The following PCDH11X variants were observed in gnomAD, a reference collection of about 807,000 sequenced individuals.
PCDH11X encodes protocadherin 11 X-linked.
PCDH11X carries 18 observed loss-of-function variants against 53.3 expected under a neutral mutation model. That is an observed-to-expected ratio of 0.34 (90% CI 0.23 to 0.50). The LOEUF (loss-of-function observed/expected upper bound fraction) is 0.50. Ranked by LOEUF, PCDH11X falls within the 20% of genes least tolerant of loss-of-function variation. The pLI is 0.98. For missense variants in PCDH11X, 570 were observed against 1,032.4 expected (o/e 0.55, Z 6.14); for synonymous variants, 279 against 393.3 (o/e 0.71, Z 3.44).
At chrX:92,191,205 A>G (rs1229273412) in intron 6 of PCDH11X, among the ~76,000 whole-genome samples, 1 of 112,282 alleles carries the variant, frequency 8.9e-6, no homozygotes, top group Non-Finnish European at 1.9e-5. Context: ...ATAATTGCTC[A>G]AGGTTAAAGT....
At chrX:92,388,170 T>A (rs1297546639) in intron 9 of PCDH11X, among the ~76,000 whole-genome samples, 1 of 111,745 alleles carries the variant, frequency 8.9e-6, no homozygotes, top group Non-Finnish European at 1.9e-5. Context: ...TGTTAAGGCA[T>A]AGATAGAATT....
At chrX:92,603,841 T>TA (rs1423780708) in intron 10 of PCDH11X, among the ~76,000 whole-genome samples, 2 of 104,031 alleles carry the variant, frequency 1.9e-5, no homozygotes, top group Non-Finnish European at 3.9e-5. Context: ...ATATTGGCAG[T>TA]AAAAGCAATT....
chrX:92,175,318 G>A (rs2065888169), intron 6 of PCDH11X, among the ~76,000 whole-genome samples: 1 of 111,422 alleles, frequency 9.0e-6, no homozygotes, highest in Non-Finnish European at 1.9e-5. Flanking sequence ...ATCATTCAGG[G>A]AAAAGAAAGG....
chrX:92,408,639 C>T (rs1185443599), intron 9 of PCDH11X, among the ~76,000 whole-genome samples: 1 of 110,762 alleles, frequency 9.0e-6, no homozygotes, highest in East Asian at 2.8e-4. Context: ...AGTGCAGTGG[C>T]GCGATCGATC....
rs747603364 is a variant in PCDH11X at position 92,534,411 on chromosome X, G to T, written c.3367+66089G>T. 4.5e-5 allele frequency among the ~76,000 whole-genome samples: 5 copies of T among 111,626 alleles called. No homozygotes were observed. The South Asian group carries it at 1.9e-3, about 43-fold the overall frequency. ...CAAGACATATGGGACTATGTGAAAA[G>T]ACCAAATCTACGTTTGATTGGTATA... On this transcript the variant is annotated intron_variant, in intron 10 of 10. Transcript: ENST00000682573.
chrX:92,033,384 T>C (rs1300569750), intron 6 of PCDH11X, among the ~76,000 whole-genome samples: 1 of 106,949 alleles, frequency 9.4e-6, no homozygotes, highest in Non-Finnish European at 1.9e-5. Flanking sequence ...TTTTTTTTTT[T>C]TTCTAGAAAC....
intron 6 of PCDH11X, among the ~76,000 whole-genome samples, chrX:92,086,792 G>A (rs1032254169): frequency 9.9e-5 from 11 of 110,618 alleles, no homozygotes; most frequent in African/African-American, 3.3e-4. Flanking sequence ...GAGGGGAGAC[G>A]AAAAGGCACA....
chrX:92,088,379 G>A (rs2063994634), intron 6 of PCDH11X, among the ~76,000 whole-genome samples: 1 of 110,510 alleles, frequency 9.0e-6, no homozygotes, highest in Admixed American at 9.7e-5. Context: ...TTTCCTTTAA[G>A]GAATTCTCTT....
chrX:92,271,782 T>C (rs909684873), intron 8 of PCDH11X, among the ~76,000 whole-genome samples: 1 of 112,400 alleles, frequency 8.9e-6, no homozygotes, highest in Admixed American at 9.5e-5. Context: ...TTCCATAATA[T>C]TTTTATATCC....
intron 6 of PCDH11X, among the ~76,000 whole-genome samples, chrX:92,142,275 G>C (rs1379048581): frequency 2.8e-5 from 3 of 109,046 alleles, no homozygotes; most frequent in Admixed American, 9.9e-5. Context: ...TCCTGCCTCA[G>C]CCTCCCTAGT....
chrX:92,323,889 T>C (rs1449769027), intron 8 of PCDH11X, among the ~76,000 whole-genome samples: 1 of 110,998 alleles, frequency 9.0e-6, no homozygotes, highest in African/African-American at 3.3e-5. Context: ...CAATTTTTTT[T>C]CCAGGCTTTA....
chrX:92,618,256 C>T lies in PCDH11X; in HGVS notation c.3368-8C>T, dbSNP rs200485075. 3,172 of 1,192,827 alleles carry T rather than the reference C, an allele frequency of 2.7e-3. 7 individuals are homozygous for T. The highest frequency in any genetic ancestry group is 3.3e-3 in the Non-Finnish European group (2,961 of 886,286). ...TAAATTTTATTATTTTTTTCCTCAC[C>T]CCAACAGCTGCAGAAATAACTGTTC... is the stretch of plus-strand genomic sequence containing the variant. On this transcript the variant is annotated splice_region_variant and splice_polypyrimidine_tract_variant and intron_variant, in intron 10 of 10. Coordinates refer to ENST00000682573, the MANE Select transcript of PCDH11X (RefSeq NM_032968.5).
intron 9 of PCDH11X, among the ~76,000 whole-genome samples, chrX:92,427,955 C>T (rs2072163822): frequency 1.2e-5 from 1 of 82,455 alleles, no homozygotes; most frequent in Non-Finnish European, 2.3e-5. Context: ...ATTGATTGAG[C>T]TTGCTATTAG....
intron 10 of PCDH11X, among the ~76,000 whole-genome samples, chrX:92,492,891 G>A (rs1173694215): frequency 9.0e-6 from 1 of 110,901 alleles, no homozygotes; most frequent in East Asian, 2.8e-4. Flanking sequence ...CAAGCCTGCT[G>A]TGCATTTCTT....
At chrX:92,069,961 C>G (rs897418313) in intron 6 of PCDH11X, among the ~76,000 whole-genome samples, 9 of 111,345 alleles carry the variant, frequency 8.1e-5, no homozygotes, top group African/African-American at 2.9e-4. Context: ...GCCAGGATTA[C>G]AGTCTTGAGC....
intron 7 of PCDH11X, among the ~76,000 whole-genome samples, chrX:92,249,585 A>T (rs1185121733): frequency 1.8e-5 from 2 of 112,543 alleles, no homozygotes; most frequent in Non-Finnish European, 3.8e-5. Context: ...AGCCAAAACA[A>T]TTATGTGAGA....
chrX:92,349,673 G>A (rs2069993343), intron 8 of PCDH11X, among the ~76,000 whole-genome samples: 1 of 110,572 alleles, frequency 9.0e-6, no homozygotes, highest in Non-Finnish European at 1.9e-5. Context: ...TTGACTTTAT[G>A]ATGGTGCAAA....
chrX:92,498,112 T>C (rs1655682887), intron 10 of PCDH11X, among the ~76,000 whole-genome samples: 1 of 111,897 alleles, frequency 8.9e-6, no homozygotes, highest in Admixed American at 9.5e-5. Context: ...ATAGCAAGGA[T>C]TTGCATACAG....
chrX:92,403,319 G>A (rs1420440172), intron 9 of PCDH11X, among the ~76,000 whole-genome samples: 2 of 81,482 alleles, frequency 2.5e-5, no homozygotes, highest in African/African-American at 1.0e-4. Context: ...ATATGTGTCC[G>A]GGCATTTACG....
Sources: allele counts gnomAD v4.1 joint callset (sites outside exome capture counted in the v4.1 genomes callset), GRCh38; gene constraint gnomAD v4.1.1; transcripts MANE v1.5; gene names NCBI Gene and HGNC (gene_info 2026-07-23, HGNC 2026-07-21).